The following CCNE2 variants were observed in gnomAD, a reference collection of about 807,000 sequenced individuals.
CCNE2 encodes the protein cyclin E2, also known as G1/S-specific cyclin-E2.
A neutral mutation model predicts 56.8 loss-of-function variants in CCNE2; 18 were observed. The observed-to-expected ratio is 0.32, with a 90% CI of 0.22 to 0.47. CCNE2 has a LOEUF of 0.47. Among genes scored for constraint, CCNE2 ranks in the 20% least tolerant of loss-of-function variants. CCNE2 has a pLI of 1.00. For synonymous variants in CCNE2, 139 were observed against 149.2 expected (o/e 0.93, Z 0.50); for missense variants, 371 against 467.1 (o/e 0.79, Z 1.90).
At chr8:94,892,730 T>A in intron 5 of CCNE2, 88 bp downstream of exon 5, 1 of 717,972 alleles carries the variant, frequency 1.4e-6, no homozygotes, top group Non-Finnish European at 2.1e-6. Flanking sequence ...GTTTTTCTAC[T>A]TTATGAAAGC....
In CCNE2 at chr8:94,894,262, G is replaced by A. The variant is rs1817367463; in HGVS notation, c.-26-15C>T. 1 of 1,612,192 alleles carries A rather than the reference G, an allele frequency of 6.2e-7. No individual in the cohort carries two copies. Among genetic ancestry groups the A allele is most frequent in the African/African-American group, 1.3e-5 (1 of 74,988 alleles). On this transcript the variant is annotated splice_polypyrimidine_tract_variant and intron_variant, in intron 1 of 11. Coordinates refer to ENST00000308108, the MANE Select transcript of CCNE2 (RefSeq NM_057749.3). The stretch of plus-strand genomic sequence containing the variant: ...GTATAAAACCTCTGAAGGGGGGAGA[G>A]GAAAAGCCGCAGTCAAGTACATTGT...
chr8:94,892,760 T>A (rs1045541105), intron 5 of CCNE2, 58 bp downstream of exon 5: 1 of 887,958 alleles, frequency 1.1e-6, no homozygotes, highest in Non-Finnish European at 1.6e-6. Flanking sequence ...AATAGTGCCA[T>A]GTATTAAATC....
At position 94,881,826 on chromosome 8, in the gene CCNE2, A is replaced by G; in HGVS notation, c.1102-81T>C. The stretch of plus-strand genomic sequence containing the variant: ...TCTGGGTACTTATTTGAGATTATTT[A>G]GGCCTAATTTTAATAGTCTTTTTAT... On this transcript the variant is annotated intron_variant, in intron 11 of 11. Coordinates refer to ENST00000308108, the MANE Select transcript of CCNE2 (RefSeq NM_057749.3). 4 of 1,541,960 alleles carry G rather than the reference A, an allele frequency of 2.6e-6. No homozygotes were observed. In the South Asian group the frequency reaches 4.7e-5, roughly 18 times the overall value.
Position 94,894,007 on chromosome 8 carries a change from T to C in CCNE2, c.111+16A>G. On this transcript the variant is annotated intron_variant, in intron 3 of 11. Transcript: ENST00000308108. ...CAGCATGGAATTTCGTTCCTCCCTC[T>C]TTCTCCTTAAATCACCTGGGTAGTT... 6.2e-7 allele frequency: 1 copy of C among 1,613,954 alleles called. No homozygotes were observed. The highest frequency in any genetic ancestry group is 2.2e-5 in the East Asian group (1 of 44,876).
At chr8:94,884,048 G>T in intron 9 of CCNE2, 2 of 305,710 alleles carry the variant, frequency 6.5e-6, no homozygotes, top group Admixed American at 7.0e-5. Context: ...GGGATGCTAG[G>T]AATTCTGGAT....
intron 10 of CCNE2, among the ~76,000 whole-genome samples, 165 bp from the exon 11 acceptor site, chr8:94,882,454 A>C (rs753135943): frequency 2.0e-5 from 3 of 152,260 alleles, no homozygotes; most frequent in African/African-American, 4.8e-5. Context: ...CAAACTATTT[A>C]CATGACTATG....
At chr8:94,893,790 T>A in intron 4 of CCNE2, 101 bp downstream of exon 4, 1 of 1,229,498 alleles carries the variant, frequency 8.1e-7, no homozygotes, top group Non-Finnish European at 1.2e-6. Context: ...AAAGTAAAAG[T>A]GTCAGAGGAA....
intron 9 of CCNE2, 105 bp downstream of exon 9, chr8:94,884,962 A>G: frequency 6.4e-6 from 6 of 943,066 alleles, no homozygotes; most frequent in Non-Finnish European, 9.5e-6. Flanking sequence ...AGAATTAAGG[A>G]GTGAAGTCAA....
intron 1 of CCNE2, among the ~76,000 whole-genome samples, chr8:94,894,957 G>T (rs989221133): frequency 3.9e-5 from 6 of 152,182 alleles, no homozygotes; most frequent in African/African-American, 1.4e-4. Flanking sequence ...GGGTGGGATA[G>T]AGAAGCCCCT....
intron 9 of CCNE2, 158 bp downstream of exon 9, chr8:94,884,907 CAT>C: frequency 1.7e-6 from 1 of 573,724 alleles, no homozygotes; most frequent in African/African-American, 1.9e-5. Context: ...TATTAAGCAA[CAT>C]AAACACTGGG....
At chr8:94,887,809 A>G in intron 7 of CCNE2, 118 bp downstream of exon 7, 1 of 612,618 alleles carries the variant, frequency 1.6e-6, no homozygotes, top group Non-Finnish European at 2.7e-6. Context: ...ACTGAGAAAC[A>G]AAAACATTCA....
intron 5 of CCNE2, chr8:94,891,882 T>C (rs777295363): frequency 1.4e-6 from 2 of 1,428,820 alleles, no homozygotes; most frequent in Non-Finnish European, 1.9e-6. Context: ...TAGATGTAGA[T>C]TCTCTGGTCA....
chr8:94,880,525 G>C lies in CCNE2; in HGVS notation c.*1107C>G, dbSNP rs1404830508. The C allele has an allele frequency of 1.0e-5, 3 of 297,278 alleles. No homozygotes were observed. In the Admixed American group the frequency reaches 1.5e-4, roughly 15 times the overall value. 18.4% of individuals were successfully genotyped at this position (297,278 alleles called of 1,614,324 possible). The stretch of plus-strand genomic sequence containing the variant: ...GAGGCTGGATTTTTTTTTTAGAAAA[G>C]CTAATTTAAAATATTTAGAAATAGC... On this transcript the variant is annotated 3_prime_UTR_variant, in exon 12 of 12. Coordinates refer to ENST00000308108, the MANE Select transcript of CCNE2 (RefSeq NM_057749.3).
At chr8:94,893,824 T>C in intron 4 of CCNE2, 67 bp downstream of exon 4, 1 of 1,446,982 alleles carries the variant, frequency 6.9e-7, no homozygotes, top group East Asian at 2.3e-5. Context: ...AATAAACACA[T>C]AATTCTATTC....
At chr8:94,895,575 A>C (rs1214095082), upstream of CCNE2, among the ~76,000 whole-genome samples, 2 of 152,098 alleles carry the variant, frequency 1.3e-5, no homozygotes, top group African/African-American at 4.8e-5. Context: ...GCCCGGGCGC[A>C]TAACAGGGGG....
chr8:94,887,366 G>A (rs776861367), intron 7 of CCNE2, among the ~76,000 whole-genome samples: 17 of 152,096 alleles, frequency 1.1e-4, no homozygotes, highest in East Asian at 5.8e-4. Flanking sequence ...TCAGCTGGGC[G>A]TGGTGGCAAG....
At chr8:94,882,718 C>A in intron 10 of CCNE2, 63 bp downstream of exon 10, 1 of 1,082,766 alleles carries the variant, frequency 9.2e-7, no homozygotes, top group South Asian at 1.3e-5. Context: ...TGTTAAAGTT[C>A]AGAGACTGTA....
rs33988905 is a variant in CCNE2 at position 94,890,591 on chromosome 8, ATTTTT to A, written c.318-46_318-42del. Reference sequence around the variant, plus strand: ...AAAAAAACCATATATATATATATATATTTTTTTTTTTTTTTTTTTGAGACAGAGTC... The same window carrying A: ...AAAAAAACCATATATATATATATATATTTTTTTTTTTTTTGAGACAGAGTC... On this transcript the variant is annotated intron_variant, in intron 5 of 11. Coordinates refer to ENST00000308108, the MANE Select transcript of CCNE2 (RefSeq NM_057749.3). 546 of 309,724 alleles carry A rather than the reference ATTTTT, an allele frequency of 1.8e-3. 1 individual carries two copies. The highest frequency in any genetic ancestry group is 3.5e-3 in the Middle Eastern group (3 of 854). The allele number at this position is 309,724 out of a possible 1,614,324, so 19.2% of individuals were successfully genotyped here.
At chr8:94,882,656 C>G in intron 10 of CCNE2, 125 bp downstream of exon 10, 1 of 676,608 alleles carries the variant, frequency 1.5e-6, no homozygotes, top group Non-Finnish European at 2.6e-6. Flanking sequence ...AAGATAATTA[C>G]TGAACAGCTA....
Sources: gnomAD v4.1 joint callset for allele counts (sites outside exome capture counted in the v4.1 genomes callset) on GRCh38, gnomAD v4.1.1 for gene constraint, MANE v1.5 for transcripts, NCBI Gene and HGNC (gene_info 2026-07-23, HGNC 2026-07-21) for gene names.